Variants in SDK1 observed in about 807,000 individuals in gnomAD.
The protein encoded by SDK1 is sidekick cell adhesion molecule 1, also known as protein sidekick-1.
In SDK1, 157 loss-of-function variants were observed where a neutral mutation model predicts 245.5. That is an observed-to-expected ratio of 0.64 (90% CI 0.56 to 0.73). The LOEUF is 0.73. SDK1 is among the 30% of genes least tolerant of loss of function. The pLI, the probability that SDK1 is intolerant of heterozygous loss-of-function variation, is 0.00. For missense variants in SDK1, 3,583 were observed against 3,002.3 expected, an observed-to-expected ratio of 1.19 and a Z score of -4.52; for synonymous variants, 1,647 against 1,278.5, an observed-to-expected ratio of 1.29 and a Z score of -6.15.
At chr7:3,919,830 A>T (rs897999103) in intron 5 of SDK1, among the ~76,000 whole-genome samples, 1 of 152,144 alleles carries the variant, frequency 6.6e-6, no homozygotes, top group Non-Finnish European at 1.5e-5. Flanking sequence ...CTCATACCTC[A>T]CGTCTCAGAC....
chr7:3,644,676 G>A lies in SDK1; in HGVS notation c.713+2571G>A, dbSNP rs1782764804. Among the ~76,000 whole-genome samples the A allele has an allele frequency of 4.0e-5, 6 of 149,866 alleles. 1 individual carries two copies. In the South Asian group the frequency reaches 1.3e-3, roughly 32 times the overall value. ...AGCTATTTGCTACTTGGGAGGCTGA[G>A]GTAGGAAGATAGCTTGAGGCCAGAA... On this transcript the variant is annotated intron_variant, in intron 4 of 44. Coordinates refer to ENST00000404826, the MANE Select transcript of SDK1 (RefSeq NM_152744.4).
At chr7:3,711,205 T>G (rs1457565072) in intron 4 of SDK1, among the ~76,000 whole-genome samples, 2 of 152,238 alleles carry the variant, frequency 1.3e-5, no homozygotes, top group Admixed American at 6.5e-5. Flanking sequence ...TTTCTAAATA[T>G]TTTTGCAGAT....
intron 1 of SDK1, among the ~76,000 whole-genome samples, chr7:3,438,806 C>A (rs1050812760): frequency 2.7e-5 from 4 of 150,454 alleles, no homozygotes; most frequent in Non-Finnish European, 4.4e-5. Context: ...TTACTAAGTT[C>A]CATCATTGGC....
At chr7:3,419,765 G>T (rs1206488887) in intron 1 of SDK1, among the ~76,000 whole-genome samples, 1 of 152,172 alleles carries the variant, frequency 6.6e-6, no homozygotes, top group Non-Finnish European at 1.5e-5. Context: ...GAAGTTCCCA[G>T]TGTTCAAGAA....
chr7:4,251,577 A>G (rs1787300051), intron 44 of SDK1, among the ~76,000 whole-genome samples: 1 of 152,258 alleles, frequency 6.6e-6, no homozygotes, highest in South Asian at 2.1e-4. Context: ...AGCTGGTCAC[A>G]TAGGCATCCT....
rs1192016455 is a variant in SDK1 at position 4,110,720 on chromosome 7, C to T, written c.3382C>T (p.Pro1128Ser). Residue 1128 changes from proline (P) to serine (S), a missense_variant, in exon 23 of 45, where the codon CCT becomes TCT. Pro to Ser is a moderately conservative substitution (Grantham distance 74). Transcript: ENST00000404826. ...WVTLYEEENE[P>S]DAQMLEIPNL... ...CACCCTCTATGAAGAGGAGAATGAG[C>T]CTGATGCCCAGATGCTGGAGATCCC... 1 of 1,613,950 alleles carries T rather than the reference C, an allele frequency of 6.2e-7. No individual in the cohort carries two copies.
intron 4 of SDK1, among the ~76,000 whole-genome samples, chr7:3,684,792 A>G (rs1346877652): frequency 6.6e-6 from 1 of 152,216 alleles, no homozygotes; most frequent in African/African-American, 2.4e-5. Flanking sequence ...CTTAGCACAG[A>G]AATAAAAGAG....
chr7:3,549,967 T>C (rs1385539857), intron 1 of SDK1, among the ~76,000 whole-genome samples: 1 of 152,194 alleles, frequency 6.6e-6, no homozygotes, highest in Admixed American at 6.5e-5. Context: ...GGGTCTCCTT[T>C]AACCTACATC....
At chr7:3,843,036 G>C (rs982003442) in intron 5 of SDK1, among the ~76,000 whole-genome samples, 2 of 152,122 alleles carry the variant, frequency 1.3e-5, no homozygotes, top group Admixed American at 6.5e-5. Flanking sequence ...TCTGGACTTA[G>C]GAAAACCCAT....
chr7:4,083,336 TG>T (rs1781184287), intron 22 of SDK1, among the ~76,000 whole-genome samples: 1 of 152,110 alleles, frequency 6.6e-6, no homozygotes, highest in Admixed American at 6.5e-5. Context: ...GTTAATCTAG[TG>T]GAATCCCCCA....
chr7:3,684,262 C>T (rs934116129), intron 4 of SDK1, among the ~76,000 whole-genome samples: 2 of 152,208 alleles, frequency 1.3e-5, no homozygotes, highest in East Asian at 3.9e-4. Context: ...AGCATCACCC[C>T]ACACACCCTT....
intron 4 of SDK1, among the ~76,000 whole-genome samples, chr7:3,649,629 AT>A (rs1476886072): frequency 2.6e-5 from 4 of 152,110 alleles, no homozygotes; most frequent in Non-Finnish European, 4.4e-5. Flanking sequence ...TGTTTTAAGG[AT>A]TTTATTTATA....
At chr7:3,688,501 C>A (rs895011165) in intron 4 of SDK1, among the ~76,000 whole-genome samples, 1 of 152,210 alleles carries the variant, frequency 6.6e-6, no homozygotes, top group Non-Finnish European at 1.5e-5. Context: ...TTCATAAATG[C>A]TCTACAAATG....
At chr7:4,036,840 A>G (rs1044603306) in intron 17 of SDK1, among the ~76,000 whole-genome samples, 2 of 152,174 alleles carry the variant, frequency 1.3e-5, no homozygotes, top group East Asian at 1.9e-4. Flanking sequence ...AGCTTGCAGA[A>G]CTGTGAGAAA....
rs183680268 is a variant in SDK1 at position 3,851,466 on chromosome 7, T to C, written c.847+29883T>C. ...AGAAGCGTAATATGCTTCTTTGCATTGCGTGTTTATGTTCTTGCTTTGTCC... is the reference window on the plus strand; with the variant it reads ...AGAAGCGTAATATGCTTCTTTGCATCGCGTGTTTATGTTCTTGCTTTGTCC... On this transcript the variant is annotated intron_variant, in intron 5 of 44. Transcript: ENST00000404826. Among the ~76,000 whole-genome samples, 14 of 152,350 alleles carry C rather than the reference T, an allele frequency of 9.2e-5. No homozygotes were observed. In the East Asian group the frequency reaches 2.7e-3, roughly 29 times the overall value.
chr7:4,031,792 C>A (rs992960032), intron 17 of SDK1, among the ~76,000 whole-genome samples: 2 of 151,868 alleles, frequency 1.3e-5, no homozygotes, highest in African/African-American at 4.8e-5. Context: ...TTTGGGAGGC[C>A]GAGGTGGGTG....
chr7:3,643,022 G>A (rs1782699024), intron 4 of SDK1: 1 of 152,244 alleles, frequency 6.6e-6, no homozygotes, highest in South Asian at 2.1e-4. Context: ...AAGTCACTGT[G>A]GGAACCCACC....
chr7:4,170,449 A>G (rs1781768923), intron 32 of SDK1, among the ~76,000 whole-genome samples: 1 of 152,046 alleles, frequency 6.6e-6, no homozygotes, highest in African/African-American at 2.4e-5. Flanking sequence ...CCTGTCTCAA[A>G]AAAAAAGAAC....
intron 5 of SDK1, among the ~76,000 whole-genome samples, chr7:3,846,073 C>T (rs1389748652): frequency 2.0e-5 from 3 of 152,036 alleles, no homozygotes; most frequent in African/African-American, 4.8e-5. Flanking sequence ...TTGCACATAC[C>T]AGAAGGAAAG....
Sources: gnomAD v4.1 joint callset for allele counts (sites outside exome capture counted in the v4.1 genomes callset) on GRCh38, gnomAD v4.1.1 for gene constraint, MANE v1.5 for transcripts, NCBI Gene and HGNC (gene_info 2026-07-23, HGNC 2026-07-21) for gene names.